CKAP4: variants seen among roughly 807,000 people sequenced by gnomAD.
CKAP4 encodes the protein cytoskeleton associated protein 4.
In CKAP4, 20 loss-of-function variants were observed where a neutral mutation model predicts 24.4. The ratio of observed to expected loss-of-function variants is 0.82; its 90% CI spans 0.58 to 1.19. The LOEUF (loss-of-function observed/expected upper bound fraction) is 1.19. Ranked by LOEUF, CKAP4 falls within the 50% of genes most tolerant of loss-of-function variation. The pLI is 0.00. For synonymous variants in CKAP4, 378 were observed against 351.7 expected, an observed-to-expected ratio of 1.07 and a Z score of -0.84; for missense variants, 744 against 765.3, an observed-to-expected ratio of 0.97 and a Z score of 0.33.
At position 106,247,227 on chromosome 12, in the gene CKAP4, GC is replaced by G; in HGVS notation, c.483+141del. ...CGTGGAGTGGGATGTCTAGGCCAGG[GC>G]CCGCCAAGGAGGAGCGGCCGGCTCC... On this transcript the variant is annotated intron_variant, in intron 1 of 1. Transcript: ENST00000378026. This position sits in a 1 kb window ranked among gnomAD's most constrained non-coding sequence, Gnocchi z 4.5. 1 of 661,528 alleles carries G rather than the reference GC, an allele frequency of 1.5e-6. No homozygotes were observed. Among genetic ancestry groups the G allele is most frequent in the Non-Finnish European group, 2.4e-6 (1 of 416,422 alleles). The allele number at this position is 661,528 out of a possible 1,614,324, so 41.0% of individuals were successfully genotyped here.
chr12:106,244,832 T>C (rs2033994533), intron 1 of CKAP4, among the ~76,000 whole-genome samples: 2 of 152,286 alleles, frequency 1.3e-5, no homozygotes, highest in East Asian at 3.9e-4. Context: ...AAGTCACTAT[T>C]TCAATTATTT....
intron 1 of CKAP4, among the ~76,000 whole-genome samples, chr12:106,244,780 C>A (rs1440469064): frequency 6.6e-6 from 1 of 152,118 alleles, no homozygotes; most frequent in African/African-American, 2.4e-5. Context: ...CAGAGTGAGA[C>A]CCTGTCTCTA....
At chr12:106,242,230 T>C (rs953094717) in intron 1 of CKAP4, among the ~76,000 whole-genome samples, 4 of 152,226 alleles carry the variant, frequency 2.6e-5, no homozygotes, top group Admixed American at 1.3e-4. Context: ...ATATATCAAG[T>C]ACTTAAACTG....
chr12:106,239,453 G>A lies in CKAP4; in HGVS notation c.1380C>T (p.Ser460=), dbSNP rs1402343428. The A allele has an allele frequency of 1.9e-6, 3 of 1,603,216 alleles. No homozygotes were observed. Among genetic ancestry groups the A allele is most frequent in the Non-Finnish European group, 2.5e-6 (3 of 1,179,630 alleles). ...ALQGRLEGLG[S]SEADQDGLAS... ...CCAGGCCATCCTGGTCTGCCTCTGA[G>A]GACCCGAGGCCTTCCAGGCGCCCCT... Residue 460 remains serine, a synonymous_variant, in exon 2 of 2, where the codon TCC becomes TCT. Coordinates refer to ENST00000378026, the MANE Select transcript of CKAP4 (RefSeq NM_006825.4). The surrounding 1 kb of genome is among the most constrained non-coding windows in gnomAD (Gnocchi z 4.9).
Position 106,247,579 on chromosome 12 carries a change from G to A in CKAP4, c.273C>T (p.Ala91=). Reference sequence around the variant, plus strand: ...AGGACGCCGAGGACGAGGCGGCGGCGGCGGCAGCGGCGGCGGAGGCGGAGG... The same window carrying A: ...AGGACGCCGAGGACGAGGCGGCGGCAGCGGCAGCGGCGGCGGAGGCGGAGG... The part of the protein sequence containing the change: ...SSSSASAAAA[A]AAASSSASCS... The change falls in exon 1 of 2, where the codon GCC becomes GCT. Residue 91 remains alanine, a synonymous_variant. Transcript: ENST00000378026. This position sits in a 1 kb window ranked among gnomAD's most constrained non-coding sequence, Gnocchi z 4.5. 7.1e-7 allele frequency: 1 copy of A among 1,415,496 alleles called. No individual in the cohort carries two copies. The highest frequency in any genetic ancestry group is 1.5e-5 in the African/African-American group (1 of 66,832). 87.7% of individuals were successfully genotyped at this position (1,415,496 alleles called of 1,614,324 possible).
chr12:106,241,622 C>A (rs1002127783), intron 1 of CKAP4, among the ~76,000 whole-genome samples: 1 of 152,152 alleles, frequency 6.6e-6, no homozygotes, highest in Non-Finnish European at 1.5e-5. Context: ...CGTGAGCCAC[C>A]GCGCCTGGCC....
chr12:106,241,853 G>A (rs1014858552), intron 1 of CKAP4, among the ~76,000 whole-genome samples: 14 of 151,800 alleles, frequency 9.2e-5, no homozygotes, highest in Non-Finnish European at 5.9e-5. Flanking sequence ...GGCTGGGCAC[G>A]CATAGGGCAA....
chr12:106,238,965 C>A lies in CKAP4; in HGVS notation c.*59G>T. ...GTAGGGGACACATGGGAAAAAACCA[C>A]ACATTTTTTGGTCATGAGAAATTGG... On this transcript the variant is annotated 3_prime_UTR_variant, in exon 2 of 2. Coordinates refer to ENST00000378026, the MANE Select transcript of CKAP4 (RefSeq NM_006825.4). The A allele has an allele frequency of 6.4e-7, 1 of 1,571,576 alleles. No individual in the cohort carries two copies. The highest frequency in any genetic ancestry group is 8.7e-7 in the Non-Finnish European group (1 of 1,154,978).
intron 1 of CKAP4, among the ~76,000 whole-genome samples, chr12:106,242,946 A>G (rs1385914108): frequency 6.6e-6 from 1 of 152,220 alleles, no homozygotes; most frequent in Non-Finnish European, 1.5e-5. Context: ...GTGTTCCCCT[A>G]CTGAGGGGAC....
intron 1 of CKAP4, among the ~76,000 whole-genome samples, chr12:106,241,364 G>A (rs891652584): frequency 7.4e-6 from 1 of 135,598 alleles, no homozygotes; most frequent in Non-Finnish European, 1.5e-5. Context: ...ACGGAGTCTC[G>A]CTCTGTCGCC....
chr12:106,243,862 A>G (rs565339564), intron 1 of CKAP4, among the ~76,000 whole-genome samples: 2 of 152,370 alleles, frequency 1.3e-5, no homozygotes, highest in East Asian at 3.9e-4. Flanking sequence ...AAATGGTACT[A>G]CTAAATGATA....
At chr12:106,240,714 A>T (rs1304223245) in intron 1 of CKAP4, among the ~76,000 whole-genome samples, 1 of 151,966 alleles carries the variant, frequency 6.6e-6, no homozygotes, top group African/African-American at 2.4e-5. Context: ...GAAAACAAGA[A>T]CCTGACTCTA....
intron 1 of CKAP4, chr12:106,245,588 CTTTTTTTTTTTTTT>C (rs35631315): frequency 1.2e-5 from 1 of 83,914 alleles, no homozygotes; most frequent in Non-Finnish European, 2.2e-5. Flanking sequence ...CTCTGCCAGT[CTTTTTTTTTTTTTT>C]TTTTTTTTTT....
At position 106,247,683 on chromosome 12, in the gene CKAP4, G is replaced by A; in HGVS notation, c.169C>T (p.Gln57Ter). The change falls in exon 1 of 2, where the codon CAG (glutamine) becomes TAG (stop). Residue 57 changes from glutamine (Q) to a stop codon, truncating the protein, a stop_gained. Transcript: ENST00000378026. LOFTEE classifies it high-confidence loss of function. The surrounding 1 kb of genome is among the most constrained non-coding windows in gnomAD (Gnocchi z 4.5). ...CCGTGCGCCTGGTTCTGCGGGTGCT[G>A]CTGCGGGTGCTGCTGCGGGTGCGGC... is the stretch of plus-strand genomic sequence containing the variant. ...PAPHPQQHPQQHPQNQAHGKG... is the reference protein window; with the variant it reads ...PAPHPQQHPQ 1 of 1,065,416 alleles carries A rather than the reference G, an allele frequency of 9.4e-7. No homozygotes were observed. The highest frequency in any genetic ancestry group is 3.3e-5 in the South Asian group (1 of 29,958). The allele number at this position is 1,065,416 out of a possible 1,614,324, so 66.0% of individuals were successfully genotyped here.
Position 106,239,351 on chromosome 12 carries a change from G to A in CKAP4, c.1482C>T (p.Gly494=), listed in dbSNP as rs200606239. ...GDVEELKRSV[G]ELPSTVESLQ... is the part of the protein sequence containing the mutation. The stretch of plus-strand genomic sequence containing the variant: ...GTGATTCCACGGTGCTGGGGAGCTC[G>A]CCCACACTCCTCTTCAGCTCCTCCA... The change falls in exon 2 of 2, where the codon GGC becomes GGT. Residue 494 remains glycine, a synonymous_variant. Coordinates refer to ENST00000378026, the MANE Select transcript of CKAP4 (RefSeq NM_006825.4). This position sits in a 1 kb window ranked among gnomAD's most constrained non-coding sequence, Gnocchi z 4.9. The A allele has an allele frequency of 1.9e-5, 31 of 1,605,350 alleles. No individual in the cohort carries two copies. Among genetic ancestry groups the A allele is most frequent in the Middle Eastern group, 1.6e-4 (1 of 6,080 alleles).
At chr12:106,246,133 A>G (rs1473658126) in intron 1 of CKAP4, among the ~76,000 whole-genome samples, 4 of 152,206 alleles carry the variant, frequency 2.6e-5, no homozygotes, top group Non-Finnish European at 1.5e-5. Context: ...GTGGAAGCTA[A>G]GCACCTTCGC....
intron 1 of CKAP4, among the ~76,000 whole-genome samples, chr12:106,243,022 C>T (rs556074181): frequency 6.6e-6 from 1 of 152,306 alleles, no homozygotes; most frequent in African/African-American, 2.4e-5. Flanking sequence ...AATATCTGTT[C>T]CCCCAACAAA....
At chr12:106,244,462 T>C (rs11112915) in intron 1 of CKAP4, among the ~76,000 whole-genome samples, 24,560 of 152,218 alleles carry the variant, frequency 0.16, 2,492 homozygotes, top group East Asian at 0.56. Flanking sequence ...CATTAAATTA[T>C]AGTTTGATTA....
chr12:106,246,109 A>G (rs1160973386), intron 1 of CKAP4, among the ~76,000 whole-genome samples: 2 of 152,198 alleles, frequency 1.3e-5, no homozygotes, highest in Non-Finnish European at 2.9e-5. Flanking sequence ...TTGGTATGGA[A>G]AAACCACAGA....
Sources: gnomAD v4.1 joint callset for allele counts (sites outside exome capture counted in the v4.1 genomes callset) on GRCh38, gnomAD v4.1.1 for gene constraint, Gnocchi (gnomAD v3.1) non-coding constraint, MANE v1.5 for transcripts, NCBI Gene and HGNC (gene_info 2026-07-23, HGNC 2026-07-21) for gene names.